The following SPATA6L variants were observed in gnomAD, a reference collection of about 807,000 sequenced individuals.
The protein encoded by SPATA6L is spermatogenesis associated 6-like protein.
SPATA6L carries 68 observed loss-of-function variants against 49.2 expected under a neutral mutation model. The ratio of observed to expected loss-of-function variants is 1.38; its 90% CI spans 1.14 to 1.69. The LOEUF is 1.69. Among genes scored for constraint, SPATA6L ranks in the 40% most tolerant of loss-of-function variants. The pLI, the probability that SPATA6L is intolerant of heterozygous loss-of-function variation, is 0.00. For missense variants in SPATA6L, 668 were observed against 464.3 expected (o/e 1.44, Z -4.03); for synonymous variants, 198 against 165.7 (o/e 1.19, Z -1.50).
chr9:4,632,632 T>C (rs1371333793), intron 4 of SPATA6L, among the ~76,000 whole-genome samples: 1 of 151,832 alleles, frequency 6.6e-6, no homozygotes, highest in Non-Finnish European at 1.5e-5. Context: ...TACTCTTTCA[T>C]CTTAAACACT....
intron 3 of SPATA6L, among the ~76,000 whole-genome samples, chr9:4,641,550 T>C (rs999812427): frequency 3.3e-5 from 5 of 152,160 alleles, no homozygotes; most frequent in African/African-American, 1.2e-4. Context: ...GTTAAGGGAC[T>C]AATGACAAGA....
intron 7 of SPATA6L, among the ~76,000 whole-genome samples, chr9:4,620,586 G>A (rs1289907816): frequency 2.6e-5 from 4 of 152,220 alleles, no homozygotes; most frequent in Non-Finnish European, 4.4e-5. Flanking sequence ...GCTGACAGGT[G>A]ACCTAAGCAA....
At chr9:4,625,118 G>C in intron 6 of SPATA6L, 2 of 807,760 alleles carry the variant, frequency 2.5e-6, no homozygotes, top group Non-Finnish European at 3.5e-6. Flanking sequence ...GACATTTACT[G>C]AGCAAGTCCC....
intron 9 of SPATA6L, among the ~76,000 whole-genome samples, chr9:4,615,488 T>G (rs945742631): frequency 1.3e-5 from 2 of 152,114 alleles, no homozygotes; most frequent in African/African-American, 4.8e-5. Context: ...TTGGCCAGAG[T>G]TGAGAATTGC....
chr9:4,602,142 T>G (rs376369869), intron 11 of SPATA6L, among the ~76,000 whole-genome samples: 10,721 of 151,802 alleles, frequency 0.071, 697 homozygotes, highest in African/African-American at 0.17. Context: ...AATTGACGTT[T>G]TTTTTTTTTC....
Position 4,656,004 on chromosome 9 carries a change from T to A in SPATA6L, c.226+37A>T, listed in dbSNP as rs549540310. 2.9e-4 allele frequency: 438 copies of A among 1,529,966 alleles called. 4 individuals are homozygous for A. The South Asian group carries it at 4.8e-3, about 17-fold the overall frequency. The allele number at this position is 1,529,966 out of a possible 1,614,324, so 94.8% of individuals were successfully genotyped here. A position where few individuals can be genotyped will look rare whatever the true frequency, so the allele number is the denominator to read the frequency against. ...TGAATCTGTGAATTACACACAATAG[T>A]CTTTTGGTTTTTTGTTTTGTTTTTC... On this transcript the variant is annotated intron_variant, in intron 3 of 11. Coordinates refer to ENST00000682582, the MANE Select transcript of SPATA6L (RefSeq NM_001353486.2).
chr9:4,591,012 G>C (rs1821869165), intron 13 of SPATA6L, among the ~76,000 whole-genome samples: 1 of 152,222 alleles, frequency 6.6e-6, no homozygotes, highest in East Asian at 1.9e-4. Flanking sequence ...TCAGGGTCAA[G>C]GGTCTGGCTG....
chr9:4,604,806 C>G (rs1398201021), intron 10 of SPATA6L, among the ~76,000 whole-genome samples: 1 of 152,126 alleles, frequency 6.6e-6, no homozygotes, highest in Admixed American at 6.5e-5. Flanking sequence ...AGCAGGTGAA[C>G]TGCCACTTAG....
chr9:4,649,420 G>A (rs918257954), intron 3 of SPATA6L, among the ~76,000 whole-genome samples: 1 of 152,180 alleles, frequency 6.6e-6, no homozygotes, highest in Non-Finnish European at 1.5e-5. Context: ...TTATGGTCAG[G>A]CTCTAAATTC....
In SPATA6L at chr9:4,625,480, C is replaced by G; in HGVS notation, c.516G>C (p.Glu172Asp). 1 of 1,613,970 alleles carries G rather than the reference C, an allele frequency of 6.2e-7. No individual in the cohort carries two copies. The highest frequency in any genetic ancestry group is 8.5e-7 in the Non-Finnish European group (1 of 1,179,962). Residue 172 changes from glutamate to aspartate, a missense_variant, in exon 6 of 12, where the codon GAG becomes GAC. Physicochemically the swap from Glu to Asp is conservative, Grantham distance 45. Coordinates refer to ENST00000682582, the MANE Select transcript of SPATA6L (RefSeq NM_001353486.2). Reference protein sequence around the residue: ...PLNTIKMKLKENNLNRLPKGM... With the variant: ...PLNTIKMKLKDNNLNRLPKGM... The stretch of plus-strand genomic sequence containing the variant: ...CTTTGGGCAGTCTGTTGAGATTATT[C>G]TCCTTTAGTTTCATCTTTATAGTAT...
chr9:4,625,206 A>G (rs1830107625), intron 6 of SPATA6L, 121 bp downstream of exon 6: 1 of 1,434,322 alleles, frequency 7.0e-7, no homozygotes, highest in African/African-American at 1.4e-5. Context: ...TTATTATTCA[A>G]TTTGAAGTAC....
chr9:4,612,757 T>C (rs974723123), intron 9 of SPATA6L, among the ~76,000 whole-genome samples: 9 of 152,220 alleles, frequency 5.9e-5, no homozygotes, highest in Non-Finnish European at 1.3e-4. Context: ...TAAATATTTC[T>C]TGAGTGATTG....
chr9:4,621,533 G>T (rs905858591), intron 7 of SPATA6L, among the ~76,000 whole-genome samples: 5 of 151,658 alleles, frequency 3.3e-5, no homozygotes, highest in African/African-American at 9.7e-5. Flanking sequence ...TTGTTGCCCA[G>T]GCTGAAGTGC....
chr9:4,629,769 G>GTGTGTATATATATATATATATATA (rs1311805859), intron 4 of SPATA6L, among the ~76,000 whole-genome samples: 1 of 101,936 alleles, frequency 9.8e-6, no homozygotes, highest in Non-Finnish European at 1.8e-5. Context: ...GTGTGTGTGT[G>GTGTGTATATATATATATATATATA]TATATATATA....
In SPATA6L at chr9:4,598,627, CA is replaced by C. The variant is rs1476515633; in HGVS notation, c.*2183del. Among the ~76,000 whole-genome samples the C allele has an allele frequency of 1.3e-5, 2 of 152,110 alleles. No homozygotes were observed. Among genetic ancestry groups the C allele is most frequent in the South Asian group, 4.1e-4 (2 of 4,834 alleles). On this transcript the variant is annotated 3_prime_UTR_variant, in exon 12 of 12. Coordinates refer to ENST00000682582, the MANE Select transcript of SPATA6L (RefSeq NM_001353486.2). ...TTAAAGAGTTATGCTTAAACCATTT[CA>C]AAAAACACTGAATATTGAATGTCAT...
chr9:4,628,511 A>G (rs7868060), intron 5 of SPATA6L: 11,281 of 152,352 alleles, frequency 0.074, 1,330 homozygotes, highest in African/African-American at 0.25. Context: ...CAGTGGAGCC[A>G]TCTTGGCTCA....
At chr9:4,598,163 G>A (rs887466187), downstream of SPATA6L, among the ~76,000 whole-genome samples, 1 of 151,948 alleles carries the variant, frequency 6.6e-6, no homozygotes, top group Non-Finnish European at 1.5e-5. Flanking sequence ...CTTTTGTTTG[G>A]AGGGCCTAGG....
intron 4 of SPATA6L, among the ~76,000 whole-genome samples, chr9:4,629,769 G>GTATATGTATATATATATATATA (rs1831138390): frequency 9.8e-6 from 1 of 101,936 alleles, no homozygotes; most frequent in Non-Finnish European, 1.8e-5. Context: ...GTGTGTGTGT[G>GTATATGTATATATATATATATA]TATATATATA....
At chr9:4,589,560 A>T (rs983906775) in intron 13 of SPATA6L, among the ~76,000 whole-genome samples, 11 of 152,236 alleles carry the variant, frequency 7.2e-5, no homozygotes, top group African/African-American at 2.4e-4. Flanking sequence ...AATTTTTTCT[A>T]TAAAGTGTCA....
Sources: allele counts gnomAD v4.1 joint callset (sites outside exome capture counted in the v4.1 genomes callset), GRCh38; gene constraint gnomAD v4.1.1; transcripts MANE v1.5; gene names NCBI Gene and HGNC (gene_info 2026-07-23, HGNC 2026-07-21).